The following SATB2 variants were observed in gnomAD, a reference collection of about 807,000 sequenced individuals.
SATB2 encodes the protein SATB homeobox 2, also known as DNA-binding protein SATB2.
Under a neutral mutation model 73.4 loss-of-function variants are expected in SATB2, and 1 was observed. The observed-to-expected ratio is 0.01, with a 90% CI of 0.00 to 0.06. The LOEUF (loss-of-function observed/expected upper bound fraction) is 0.06, where lower values mean the gene tolerates loss of function less well. SATB2 is among the 10% of genes least tolerant of loss of function. SATB2 has a pLI of 1.00. For synonymous variants in SATB2, 397 were observed against 367.0 expected (o/e 1.08, Z -0.93); for missense variants, 459 against 945.8 (o/e 0.49, Z 6.75).
chr2:199,315,182 A>C (rs2105778198), intron 9 of SATB2, among the ~76,000 whole-genome samples: 1 of 152,212 alleles, frequency 6.6e-6, no homozygotes, highest in African/African-American at 2.4e-5. Context: ...CTGTGTGTAT[A>C]TATGCATGTA....
intron 3 of SATB2, among the ~76,000 whole-genome samples, chr2:199,406,520 C>T (rs1456318980): frequency 6.6e-6 from 1 of 152,164 alleles, no homozygotes; most frequent in African/African-American, 2.4e-5. Context: ...CAGGTTTCAA[C>T]AGAGCCTTCT....
intron 3 of SATB2, among the ~76,000 whole-genome samples, chr2:199,401,124 T>C (rs1690460702): frequency 6.6e-6 from 1 of 152,172 alleles, no homozygotes; most frequent in African/African-American, 2.4e-5. Flanking sequence ...TCTGGAGTGT[T>C]TACCCAGGCT....
intron 5 of SATB2, among the ~76,000 whole-genome samples, chr2:199,377,532 G>C (rs1000682151): frequency 6.6e-6 from 1 of 152,094 alleles, no homozygotes; most frequent in Non-Finnish European, 1.5e-5. Context: ...GAGATATTTT[G>C]AGCAATGGTA....
chr2:199,281,515 TAAC>T (rs1284831485), intron 10 of SATB2, among the ~76,000 whole-genome samples: 4 of 151,760 alleles, frequency 2.6e-5, no homozygotes, highest in African/African-American at 7.3e-5. Context: ...TACTTAAAAG[TAAC>T]AACAATTGGT....
intron 3 of SATB2, among the ~76,000 whole-genome samples, chr2:199,389,811 C>A (rs1395464684): frequency 6.6e-6 from 1 of 152,014 alleles, no homozygotes; most frequent in Non-Finnish European, 1.5e-5. Context: ...AGAGTACTTT[C>A]TGAATAAACT....
chr2:199,388,606 G>T (rs1350437811), intron 3 of SATB2, among the ~76,000 whole-genome samples: 1 of 152,120 alleles, frequency 6.6e-6, no homozygotes, highest in African/African-American at 2.4e-5. Context: ...CAGCTGGATG[G>T]ATAATTTTCT....
In SATB2 at chr2:199,272,767, C is replaced by A; in HGVS notation, c.1741-95G>T. The stretch of plus-strand genomic sequence containing the variant: ...TGAAATATGTGTTATCTATCTAGCA[C>A]TGGAGGTAAGCTATAGTCATTTGTA... On this transcript the variant is annotated intron_variant, in intron 10 of 10. Transcript: ENST00000417098. This position sits in a 1 kb window ranked among gnomAD's most constrained non-coding sequence, Gnocchi z 6.7. 1.7e-6 allele frequency: 2 copies of A among 1,149,076 alleles called. No homozygotes were observed. The highest frequency in any genetic ancestry group is 3.5e-5 in the Admixed American group (2 of 57,270). The allele number at this position is 1,149,076 out of a possible 1,614,324, so 71.2% of individuals were successfully genotyped here.
At chr2:199,364,463 C>T (rs1689227720) in intron 6 of SATB2, among the ~76,000 whole-genome samples, 1 of 152,112 alleles carries the variant, frequency 6.6e-6, no homozygotes. Flanking sequence ...TTAAAATCCT[C>T]TTTTCTCCCA....
At chr2:199,467,772 C>A (rs1692621779), upstream of SATB2, among the ~76,000 whole-genome samples, 1 of 152,184 alleles carries the variant, frequency 6.6e-6, no homozygotes, top group Admixed American at 6.5e-5. Flanking sequence ...CTCACCACCA[C>A]CACGTTGGCC....
chr2:199,285,733 A>AG (rs1553540395), intron 10 of SATB2, among the ~76,000 whole-genome samples: 31 of 151,848 alleles, frequency 2.0e-4, no homozygotes, highest in Admixed American at 5.9e-4. Flanking sequence ...TAAAAAAAAA[A>AG]AGAGAGAGAG....
intron 6 of SATB2, among the ~76,000 whole-genome samples, chr2:199,357,445 T>G (rs889024421): frequency 1.3e-5 from 2 of 152,204 alleles, no homozygotes; most frequent in African/African-American, 2.4e-5. Context: ...AACTATCATG[T>G]GCCAGGAATA....
At chr2:199,300,169 G>A (rs967648928) in intron 10 of SATB2, among the ~76,000 whole-genome samples, 4 of 151,808 alleles carry the variant, frequency 2.6e-5, no homozygotes, top group Non-Finnish European at 5.9e-5. Context: ...AAAGGAGAGA[G>A]GGAAGGAGGG....
chr2:199,396,883 C>T (rs1690317826), intron 3 of SATB2: 1 of 152,130 alleles, frequency 6.6e-6, no homozygotes, highest in South Asian at 2.1e-4. Flanking sequence ...TATTTTTAAA[C>T]TGGTTTTTGA....
intron 7 of SATB2, among the ~76,000 whole-genome samples, chr2:199,337,310 G>A (rs1304345874): frequency 6.6e-6 from 1 of 152,118 alleles, no homozygotes; most frequent in Non-Finnish European, 1.5e-5. Flanking sequence ...CTTCAGAAAA[G>A]TAAAACAACT....
intron 6 of SATB2, among the ~76,000 whole-genome samples, chr2:199,350,059 G>C (rs549938409): frequency 7.6e-4 from 115 of 152,168 alleles, no homozygotes; most frequent in African/African-American, 2.6e-3. Flanking sequence ...AAAAGAAATG[G>C]GGCTGAAGCA....
chr2:199,380,318 C>T (rs1003126752), intron 5 of SATB2, 46 bp downstream of exon 5: 8 of 1,612,694 alleles, frequency 5.0e-6, no homozygotes, highest in Non-Finnish European at 5.1e-6. Flanking sequence ...AGAGAGTCTA[C>T]CAATGGCTTC....
chr2:199,428,825 T>G (rs1473050387), intron 3 of SATB2, among the ~76,000 whole-genome samples: 2 of 152,026 alleles, frequency 1.3e-5, no homozygotes, highest in African/African-American at 4.8e-5. Context: ...TGAGGCAACA[T>G]AAGGATACTT....
chr2:199,297,336 A>G (rs937844309), intron 10 of SATB2, among the ~76,000 whole-genome samples: 1 of 152,182 alleles, frequency 6.6e-6, no homozygotes. Flanking sequence ...CAATGACACT[A>G]GTGTATGTAA....
At chr2:199,386,242 T>C (rs982829772) in intron 3 of SATB2, among the ~76,000 whole-genome samples, 1 of 152,198 alleles carries the variant, frequency 6.6e-6, no homozygotes, top group African/African-American at 2.4e-5. Flanking sequence ...AATGCTCGAA[T>C]GAGCATTTCC....
Sources: allele counts gnomAD v4.1 joint callset (sites outside exome capture counted in the v4.1 genomes callset), GRCh38; gene constraint gnomAD v4.1.1; non-coding constraint Gnocchi (gnomAD v3.1); transcripts MANE v1.5; gene names NCBI Gene and HGNC (gene_info 2026-07-23, HGNC 2026-07-21).